Variants in PRPF3 observed in about 807,000 individuals in gnomAD.
PRPF3 encodes the protein pre-mRNA processing factor 3.
A neutral mutation model predicts 89.2 loss-of-function variants in PRPF3; 3 were observed. The observed-to-expected ratio is 0.03, with a 90% confidence interval of 0.02 to 0.09. The LOEUF (loss-of-function observed/expected upper bound fraction) is 0.09, where lower values mean the gene tolerates loss of function less well. PRPF3 is among the 10% of genes least tolerant of loss of function. PRPF3 has a pLI of 1.00. For missense variants in PRPF3, 463 were observed against 828.8 expected (o/e 0.56, Z 5.42); for synonymous variants, 270 against 289.1 (o/e 0.93, Z 0.67).
chr1:150,335,330 A>T (rs1218979330), intron 7 of PRPF3, 89 bp downstream of exon 7: 1 of 1,448,320 alleles, frequency 6.9e-7, no homozygotes, highest in East Asian at 2.3e-5. Flanking sequence ...CTAGGAAATT[A>T]GATAAATAGG....
At chr1:150,334,441 A>C (rs1656755566) in intron 6 of PRPF3, among the ~76,000 whole-genome samples, 1 of 152,026 alleles carries the variant, frequency 6.6e-6, no homozygotes, top group Admixed American at 6.6e-5. Flanking sequence ...GGCTCCCTGC[A>C]ACCTCTGCCT....
intron 7 of PRPF3, among the ~76,000 whole-genome samples, chr1:150,335,670 G>A (rs1399857389): frequency 1.3e-5 from 2 of 151,676 alleles, no homozygotes; most frequent in Admixed American, 6.6e-5. Flanking sequence ...TCTCCGTGTT[G>A]GTCAGGCTGG....
chr1:150,325,961 T>A (rs960836856), intron 3 of PRPF3, 80 bp downstream of exon 3: 1 of 1,539,296 alleles, frequency 6.5e-7, no homozygotes, highest in Non-Finnish European at 8.9e-7. Flanking sequence ...AGTTCACACG[T>A]TGATATCCTC....
intron 9 of PRPF3, among the ~76,000 whole-genome samples, chr1:150,340,878 G>C (rs587695874): frequency 1.3e-5 from 2 of 152,118 alleles, no homozygotes; most frequent in Non-Finnish European, 2.9e-5. Context: ...GGGAGGCTGA[G>C]GTGGGCAGAT....
rs1161612101 is a variant in PRPF3, at chr1:150,336,011, G to A, written c.1035+770G>A. ...TCTTAAACTCCTGACCTTGTGATCTGCCTGCCTTGACCTCCCAAAGTGCTG... is the reference window on the plus strand; with the variant it reads ...TCTTAAACTCCTGACCTTGTGATCTACCTGCCTTGACCTCCCAAAGTGCTG... On this transcript the variant is annotated intron_variant, in intron 7 of 15. Coordinates refer to ENST00000324862, the MANE Select transcript of PRPF3 (RefSeq NM_004698.4). Among the ~76,000 whole-genome samples the A allele has an allele frequency of 3.9e-5, 6 of 152,108 alleles. No individual in the cohort carries two copies. In the East Asian group the frequency reaches 9.6e-4, roughly 24 times the overall value.
chr1:150,346,592 C>T lies in PRPF3; in HGVS notation c.1843+101C>T, dbSNP rs1658291695. On this transcript the variant is annotated intron_variant, in intron 14 of 15. Transcript: ENST00000324862. ...TTCCTCCCTGTGACACTCTTGATAA[C>T]ACTAGATAGTGTTCAGGAATTTTAG... The T allele has an allele frequency of 3.3e-6, 4 of 1,221,586 alleles. No individual in the cohort carries two copies. The Admixed American group carries it at 5.4e-5, about 16-fold the overall frequency. The allele number at this position is 1,221,586 out of a possible 1,614,324, so 75.7% of individuals were successfully genotyped here. A position where few individuals can be genotyped will look rare whatever the true frequency, so the allele number is the denominator to read the frequency against.
Position 150,324,896 on chromosome 1 carries a change from TGTAGTATTGAGTCCTG to T in PRPF3, c.-46_-31del. 6.6e-7 allele frequency: 1 copy of T among 1,519,242 alleles called. No individual in the cohort carries two copies. 94.1% of individuals were successfully genotyped at this position (1,519,242 alleles called of 1,614,324 possible). Reference sequence around the variant, plus strand: ...AACTTGTCTCTTTTTTTTTTTTAGGTGTAGTATTGAGTCCTGTTTGAGCTATTGTTCTCTTTTTCCT... The same window carrying T: ...AACTTGTCTCTTTTTTTTTTTTAGGTTTTGAGCTATTGTTCTCTTTTTCCT... On this transcript the variant is annotated splice_region_variant and 5_prime_UTR_variant, in exon 2 of 16. Coordinates refer to ENST00000324862, the MANE Select transcript of PRPF3 (RefSeq NM_004698.4).
intron 4 of PRPF3, among the ~76,000 whole-genome samples, chr1:150,332,097 GC>G (rs1656474695): frequency 6.6e-6 from 1 of 151,794 alleles, no homozygotes; most frequent in South Asian, 2.1e-4. Flanking sequence ...GGTGGTGGGC[GC>G]CTATAGTCCC....
chr1:150,339,430 A>C (rs1572245225), intron 8 of PRPF3, among the ~76,000 whole-genome samples: 1 of 149,406 alleles, frequency 6.7e-6, no homozygotes. Flanking sequence ...TATCTGCTCC[A>C]TCCATTTTTT....
chr1:150,335,329 T>G, intron 7 of PRPF3, 88 bp downstream of exon 7: 1 of 1,445,938 alleles, frequency 6.9e-7, no homozygotes, highest in African/African-American at 1.4e-5. Context: ...TCTAGGAAAT[T>G]AGATAAATAG....
rs587647917 is a variant in PRPF3, at chr1:150,349,148, C to A, written c.1844-9C>A. On this transcript the variant is annotated splice_polypyrimidine_tract_variant and intron_variant, in intron 14 of 15. Transcript: ENST00000324862. ...CAAGTCTAAGTCTGTAACAAGATTTCTCTTCCAGATGATGAGGAGTCTGAT... is the reference window on the plus strand; with the variant it reads ...CAAGTCTAAGTCTGTAACAAGATTTATCTTCCAGATGATGAGGAGTCTGAT... 63 of 1,611,436 alleles carry A rather than the reference C, an allele frequency of 3.9e-5. No homozygotes were observed. In the South Asian group the frequency reaches 5.9e-4, roughly 15 times the overall value.
At chr1:150,345,843 G>C (rs1218224012) in intron 12 of PRPF3, 175 bp from the exon 13 acceptor site, 6 of 694,172 alleles carry the variant, frequency 8.6e-6, no homozygotes, top group Non-Finnish European at 1.3e-5. Flanking sequence ...GTAAGAGTGT[G>C]GAAATATTTC....
intron 12 of PRPF3, chr1:150,345,791 G>A (rs1169222606): frequency 9.1e-6 from 5 of 546,648 alleles, no homozygotes; most frequent in South Asian, 1.9e-5. Context: ...ACTTTGGTTA[G>A]TAATGTAATG....
chr1:150,335,872 A>C (rs1330536414), intron 7 of PRPF3, among the ~76,000 whole-genome samples: 1 of 141,404 alleles, frequency 7.1e-6, no homozygotes, highest in Non-Finnish European at 1.5e-5. Flanking sequence ...GGGTTCAAGC[A>C]ATTCTCCTGC....
At chr1:150,337,562 G>A (rs1346646935) in intron 7 of PRPF3, among the ~76,000 whole-genome samples, 1 of 151,788 alleles carries the variant, frequency 6.6e-6, no homozygotes, top group Non-Finnish European at 1.5e-5. Context: ...CGAATCACTA[G>A]GTCAGGAGAT....
intron 8 of PRPF3, 43 bp downstream of exon 8, chr1:150,338,369 C>A: frequency 6.3e-7 from 1 of 1,579,562 alleles, no homozygotes; most frequent in South Asian, 1.1e-5. Context: ...AGTTTTTAAT[C>A]AGCTGAGTTT....
chr1:150,323,105 C>T (rs376158666), intron 1 of PRPF3, among the ~76,000 whole-genome samples: 24 of 147,854 alleles, frequency 1.6e-4, no homozygotes, highest in East Asian at 1.0e-3. Context: ...GAACTCCTGA[C>T]GTCAGATAAT....
Position 150,337,556 on chromosome 1 carries a change from T to C in PRPF3, c.1036-604T>C, listed in dbSNP as rs115660604. On this transcript the variant is annotated intron_variant, in intron 7 of 15. Coordinates refer to ENST00000324862, the MANE Select transcript of PRPF3 (RefSeq NM_004698.4). ...GGGATTCTTGGCCGAGGTGGGCGAA[T>C]CACTAGGTCAGGAGATCGAGACCAT... Among the ~76,000 whole-genome samples, 1,279 of 151,722 alleles carry C rather than the reference T, an allele frequency of 8.4e-3. 25 individuals are homozygous for C. The highest frequency in any genetic ancestry group is 0.03 in the African/African-American group (1,224 of 41,406).
intron 14 of PRPF3, among the ~76,000 whole-genome samples, chr1:150,346,993 A>T (rs962847096): frequency 2.6e-5 from 4 of 152,086 alleles, no homozygotes; most frequent in Non-Finnish European, 5.9e-5. Flanking sequence ...CAGGAAGCTG[A>T]GGTGGGAGGA....
Sources: allele counts gnomAD v4.1 joint callset (sites outside exome capture counted in the v4.1 genomes callset), GRCh38; gene constraint gnomAD v4.1.1; transcripts MANE v1.5; gene names NCBI Gene and HGNC (gene_info 2026-07-23, HGNC 2026-07-21).